NAT9: variants seen among roughly 807,000 people sequenced by gnomAD.
NAT9 encodes the protein alpha/beta-tubulin-N-acetyltransferase 9.
Under a neutral mutation model 24.0 loss-of-function variants are expected in NAT9, and 18 were observed. The ratio of observed to expected loss-of-function variants is 0.75; its 90% CI spans 0.52 to 1.11. The LOEUF (loss-of-function observed/expected upper bound fraction) is 1.11. Ranked by LOEUF, NAT9 falls within the 50% of genes most tolerant of loss-of-function variation. The pLI is 0.00. For synonymous variants in NAT9, 104 were observed against 102.3 expected, an observed-to-expected ratio of 1.02 and a Z score of -0.10; for missense variants, 254 against 258.6, an observed-to-expected ratio of 0.98 and a Z score of 0.12.
In NAT9 at chr17:74,773,750, T is replaced by C. The variant is rs919955942; in HGVS notation, c.78-62A>G. On this transcript the variant is annotated intron_variant, in intron 2 of 6. Coordinates refer to ENST00000357814, the MANE Select transcript of NAT9 (RefSeq NM_015654.5). ...ATTCAGAGGCATACGTCTGACACCT[T>C]ATGAGGGTCCAGAACCAGACAGGGC... 5 of 1,370,254 alleles carry C rather than the reference T, an allele frequency of 3.6e-6. No individual in the cohort carries two copies. The African/African-American group carries it at 7.3e-5, about 20-fold the overall frequency. 84.9% of individuals were successfully genotyped at this position (1,370,254 alleles called of 1,614,324 possible).
rs1337004042 is a variant in NAT9 at position 74,775,721 on chromosome 17, G to A, written c.-9-14C>T. 1.9e-6 allele frequency: 3 copies of A among 1,612,284 alleles called. No individual in the cohort carries two copies. The South Asian group carries it at 3.3e-5, about 18-fold the overall frequency. On this transcript the variant is annotated splice_polypyrimidine_tract_variant and intron_variant, in intron 1 of 6. Coordinates refer to ENST00000357814, the MANE Select transcript of NAT9 (RefSeq NM_015654.5). ...CATGGTAGCAGCCTGCATGCAGATG[G>A]GGAGAGCAAAGACTTCAGGACCCTG...
At position 74,772,198 on chromosome 17, in the gene NAT9, G is replaced by A; in HGVS notation, c.394+20C>T. On this transcript the variant is annotated intron_variant, in intron 5 of 6. Coordinates refer to ENST00000357814, the MANE Select transcript of NAT9 (RefSeq NM_015654.5). ...CTGGGGCCTGCCCACTTCCCGCATT[G>A]TCTGCTCACACTTTCTTACCGTAAG... 2 of 1,614,198 alleles carry A rather than the reference G, an allele frequency of 1.2e-6. No individual in the cohort carries two copies. The highest frequency in any genetic ancestry group is 1.7e-6 in the Non-Finnish European group (2 of 1,180,046).
chr17:74,773,068 C>G lies in NAT9; in HGVS notation c.191-29G>C, dbSNP rs368442719. On this transcript the variant is annotated intron_variant, in intron 3 of 6. Coordinates refer to ENST00000357814, the MANE Select transcript of NAT9 (RefSeq NM_015654.5). ...AGGAGGAGGTGACAGGGCTATCACA[C>G]ACACTCCCCAGAGGAGAGAAGAGAG... 3.4e-5 allele frequency: 54 copies of G among 1,610,812 alleles called. No homozygotes were observed. The South Asian group carries it at 5.7e-4, about 17-fold the overall frequency.
chr17:74,771,626 T>C lies in NAT9; in HGVS notation c.*98A>G. On this transcript the variant is annotated 3_prime_UTR_variant, in exon 7 of 7. Coordinates refer to ENST00000357814, the MANE Select transcript of NAT9 (RefSeq NM_015654.5). Reference sequence around the variant, plus strand: ...GGGCCTCGAAAGGTGATTCCCAGCCTGGGCCAGGAGCACTCTCCCAGTGCA... The same window carrying C: ...GGGCCTCGAAAGGTGATTCCCAGCCCGGGCCAGGAGCACTCTCCCAGTGCA... 1.0e-5 allele frequency: 16 copies of C among 1,543,634 alleles called. No homozygotes were observed. The highest frequency in any genetic ancestry group is 1.4e-5 in the African/African-American group (1 of 73,410).
At position 74,772,292 on chromosome 17, in the gene NAT9, A is replaced by G. The variant is rs375452953; in HGVS notation, c.335-15T>C. On this transcript the variant is annotated splice_polypyrimidine_tract_variant and intron_variant, in intron 4 of 6. Coordinates refer to ENST00000357814, the MANE Select transcript of NAT9 (RefSeq NM_015654.5). ...GCAGCTGGGCTCTAGGAGAGACAAC[A>G]GGAGCGGCGCTGACGCCGTGTGCCA... The G allele has an allele frequency of 2.3e-5, 37 of 1,613,546 alleles. No homozygotes were observed. The East Asian group carries it at 8.0e-4, about 35-fold the overall frequency.
chr17:74,772,969 C>G lies in NAT9; in HGVS notation c.261G>C (p.Met87Ile). The stretch of plus-strand genomic sequence containing the variant: ...TGAGGAAGAGGTTCACATCTCCCAC[C>G]ATGCAGCTCTCTTCGGTGGCGCCTG... ...AQPGATEESC[M>I]VGDVNLFLTD... The change falls in exon 4 of 7, where the codon ATG becomes ATC. Residue 87 changes from methionine (M) to isoleucine (I), a missense_variant. Physicochemically the swap from Met to Ile is conservative, Grantham distance 10. Coordinates refer to ENST00000357814, the MANE Select transcript of NAT9 (RefSeq NM_015654.5). 2 of 1,614,180 alleles carry G rather than the reference C, an allele frequency of 1.2e-6. No individual in the cohort carries two copies. The highest frequency in any genetic ancestry group is 1.7e-6 in the Non-Finnish European group (2 of 1,180,032).
In NAT9 at chr17:74,772,276, C is replaced by A; in HGVS notation, c.336G>T (p.Glu112Asp). Reference sequence around the variant, plus strand: ...CAAGGCCCTTACCCCTGCAGCTGGGCTCTAGGAGAGACAACAGGAGCGGCG... The same window carrying A: ...CAAGGCCCTTACCCCTGCAGCTGGGATCTAGGAGAGACAACAGGAGCGGCG... ...TLGEIEVMIA[E>D]PSCRGKGLGT... is the part of the protein sequence containing the mutation. Residue 112 changes from glutamate (E) to aspartate (D), a missense_variant and splice_region_variant, in exon 5 of 7, where the codon GAG becomes GAT. Coordinates refer to ENST00000357814, the MANE Select transcript of NAT9 (RefSeq NM_015654.5). 6.2e-7 allele frequency: 1 copy of A among 1,614,040 alleles called. No homozygotes were observed. Among genetic ancestry groups the A allele is most frequent in the Non-Finnish European group, 8.5e-7 (1 of 1,180,034 alleles).
chr17:74,773,559 G>A lies in NAT9; in HGVS notation c.190+17C>T, dbSNP rs776440950. The A allele has an allele frequency of 1.3e-5, 21 of 1,603,652 alleles. No homozygotes were observed. The highest frequency in any genetic ancestry group is 2.2e-5 in the East Asian group (1 of 44,762). On this transcript the variant is annotated intron_variant, in intron 3 of 6. Transcript: ENST00000357814. ...TCCCAGTACCAGGGCTAGGGGAAGT[G>A]GGGGGGCACTCCTCACTGTCTGCAT... is the stretch of plus-strand genomic sequence containing the variant.
At position 74,773,008 on chromosome 17, in the gene NAT9, C is replaced by G. The variant is rs545241341; in HGVS notation, c.222G>C (p.Lys74Asn). The G allele has an allele frequency of 6.2e-7, 1 of 1,614,096 alleles. No individual in the cohort carries two copies. The highest frequency in any genetic ancestry group is 8.5e-7 in the Non-Finnish European group (1 of 1,180,010). Residue 74 changes from lysine to asparagine, a missense_variant, in exon 4 of 7, where the codon AAG becomes AAC. By Grantham distance (94) the Lys-to-Asn change is moderately conservative. Transcript: ENST00000357814. ...CGGTGGCGCCTGGCTGGGCCTGCCA[C>G]TTCTCGGCATCCAGCACAATGAAGG... ...KCTFIVLDAE[K>N]WQAQPGATEE...
Position 74,772,899 on chromosome 17 carries a change from C to CA in NAT9, c.330dup (p.Ala111CysfsTer8), listed in dbSNP as rs777593038. The stretch of plus-strand genomic sequence containing the variant: ...GGCAGGGCTAGGTGAAACAAACCTG[C>CA]AATCATGACCTCGATCTCCCCCAAG... On this transcript the variant is annotated frameshift_variant, in exon 4 of 7. Coordinates refer to ENST00000357814, the MANE Select transcript of NAT9 (RefSeq NM_015654.5). LOFTEE classifies it high-confidence loss of function. 12 of 1,614,054 alleles carry CA rather than the reference C, an allele frequency of 7.4e-6. No homozygotes were observed. The East Asian group carries it at 2.7e-4, about 36-fold the overall frequency.
chr17:74,773,766 C>G, intron 2 of NAT9, 78 bp from the exon 3 acceptor site: 1 of 1,231,414 alleles, frequency 8.1e-7, no homozygotes, highest in South Asian at 1.2e-5. Context: ...GGTCCAGAAC[C>G]AGACAGGGCT....
rs146446741 is a variant in NAT9, at chr17:74,773,014, G to A, written c.216C>T (p.Ala72=). ...CGCCTGGCTGGGCCTGCCACTTCTC[G>A]GCATCCAGCACAATGAAGGTACACT... is the stretch of plus-strand genomic sequence containing the variant. ...ADKCTFIVLD[A]EKWQAQPGAT... Residue 72 remains alanine (A), a synonymous_variant, in exon 4 of 7, where the codon GCC becomes GCT. Coordinates refer to ENST00000357814, the MANE Select transcript of NAT9 (RefSeq NM_015654.5). 171 of 1,613,916 alleles carry A rather than the reference G, an allele frequency of 1.1e-4. No individual in the cohort carries two copies. The African/African-American group carries it at 2.0e-3, about 19-fold the overall frequency.
intron 2 of NAT9, chr17:74,773,919 G>C (rs190890286): frequency 2.1e-6 from 1 of 482,896 alleles, no homozygotes; most frequent in Non-Finnish European, 3.8e-6. Flanking sequence ...ATCCTGTCTC[G>C]GGTCAGTGCG....
intron 3 of NAT9, 147 bp from the exon 4 acceptor site, chr17:74,773,186 A>C: frequency 3.8e-6 from 4 of 1,044,586 alleles, no homozygotes; most frequent in Non-Finnish European, 5.4e-6. Context: ...CCTTCAGCTC[A>C]TTACAAAATT....
At position 74,771,559 on chromosome 17, in the gene NAT9, C is replaced by T; in HGVS notation, c.*165G>A. Reference sequence around the variant, plus strand: ...CCCTGGAGTCTGCTCAGCCACACCACTAGCTGGAGGGAGGCCACAGCAAGC... The same window carrying T: ...CCCTGGAGTCTGCTCAGCCACACCATTAGCTGGAGGGAGGCCACAGCAAGC... On this transcript the variant is annotated 3_prime_UTR_variant, in exon 7 of 7. Coordinates refer to ENST00000357814, the MANE Select transcript of NAT9 (RefSeq NM_015654.5). The T allele has an allele frequency of 8.8e-7, 1 of 1,133,472 alleles. No homozygotes were observed. The highest frequency in any genetic ancestry group is 2.6e-5 in the East Asian group (1 of 38,622). The allele number at this position is 1,133,472 out of a possible 1,614,324, so 70.2% of individuals were successfully genotyped here.
chr17:74,773,284 C>T, intron 3 of NAT9: 1 of 598,832 alleles, frequency 1.7e-6, no homozygotes. Context: ...AGTCACCACA[C>T]TAGGCTGTGG....
intron 3 of NAT9, 104 bp from the exon 4 acceptor site, chr17:74,773,143 A>C: frequency 7.3e-7 from 1 of 1,370,738 alleles, no homozygotes; most frequent in Non-Finnish European, 9.9e-7. Flanking sequence ...AGCATCTCTG[A>C]GTCTGCCAGG....
chr17:74,772,474 C>T, intron 4 of NAT9, 197 bp from the exon 5 acceptor site: 1 of 1,432,300 alleles, frequency 7.0e-7, no homozygotes, highest in Non-Finnish European at 9.1e-7. Context: ...TCAAAGCTGA[C>T]CTCTTTACCT....
Position 74,770,659 on chromosome 17 carries a change from A to ACCTTACTTAT in NAT9, c.*1055_*1064dup, listed in dbSNP as rs1416713313. 1 of 152,160 alleles carries ACCTTACTTAT rather than the reference A, an allele frequency of 6.6e-6. No homozygotes were observed. The highest frequency in any genetic ancestry group is 1.5e-5 in the Non-Finnish European group (1 of 68,038). 9.4% of individuals were successfully genotyped at this position (152,160 alleles called of 1,614,324 possible). On this transcript the variant is annotated 3_prime_UTR_variant, in exon 7 of 7. Transcript: ENST00000357814. The stretch of plus-strand genomic sequence containing the variant: ...GGTGCTGGGAGGCCTTAGGCAAGTC[A>ACCTTACTTAT]CCTTACTTATCTAAGACTGTTTCCC...
Sources: allele counts gnomAD v4.1 joint callset, GRCh38; gene constraint gnomAD v4.1.1; transcripts MANE v1.5; gene names NCBI Gene and HGNC (gene_info 2026-07-23, HGNC 2026-07-21).